Variants in SGK1 observed in about 807,000 individuals in gnomAD.
The protein encoded by SGK1 is serum/glucocorticoid regulated kinase 1, also known as serine/threonine-protein kinase Sgk1.
SGK1 carries 26 observed loss-of-function variants against 64.2 expected under a neutral mutation model. The ratio of observed to expected loss-of-function variants is 0.40; its 90% CI spans 0.30 to 0.56. SGK1 has a LOEUF of 0.56. SGK1 is among the 20% of genes least tolerant of loss of function. The pLI is 0.38. For synonymous variants in SGK1, 265 were observed against 239.7 expected, an observed-to-expected ratio of 1.11 and a Z score of -0.98; for missense variants, 519 against 645.6, an observed-to-expected ratio of 0.80 and a Z score of 2.12.
At chr6:134,315,945 G>C (rs1777678908) in intron 1 of SGK1, among the ~76,000 whole-genome samples, 1 of 152,234 alleles carries the variant, frequency 6.6e-6, no homozygotes, top group South Asian at 2.1e-4. Flanking sequence ...AAATATTTTA[G>C]CTACAGAGAA....
chr6:134,212,831 C>G (rs1306732229), intron 2 of SGK1, among the ~76,000 whole-genome samples: 1 of 152,134 alleles, frequency 6.6e-6, no homozygotes, highest in Non-Finnish European at 1.5e-5. Context: ...GGGAAAATTG[C>G]CATATGCGAG....
intron 2 of SGK1, among the ~76,000 whole-genome samples, chr6:134,217,019 T>C (rs1775997314): frequency 1.3e-5 from 2 of 152,194 alleles, no homozygotes; most frequent in South Asian, 2.1e-4. Flanking sequence ...GTGTTCTTCA[T>C]GCCATGGAAA....
chr6:134,175,891 G>T, intron 3 of SGK1: 2 of 1,209,078 alleles, frequency 1.7e-6, no homozygotes, highest in Non-Finnish European at 1.0e-6. Context: ...GAGGAAGGAA[G>T]GAAAGAAAGA....
At chr6:134,292,973 C>G (rs1288372188) in intron 1 of SGK1, among the ~76,000 whole-genome samples, 1 of 151,484 alleles carries the variant, frequency 6.6e-6, no homozygotes, top group Non-Finnish European at 1.5e-5. Context: ...AAGGTGATTC[C>G]CTAAATCGTA....
At chr6:134,300,780 G>GCGC (rs1459208282) in intron 1 of SGK1, among the ~76,000 whole-genome samples, 2 of 151,088 alleles carry the variant, frequency 1.3e-5, no homozygotes, top group African/African-American at 4.9e-5. Flanking sequence ...TTACAGGCAT[G>GCGC]CGCCACCACA....
At chr6:134,296,388 C>T (rs1280437889) in intron 1 of SGK1, among the ~76,000 whole-genome samples, 3 of 152,182 alleles carry the variant, frequency 2.0e-5, no homozygotes, top group African/African-American at 7.2e-5. Flanking sequence ...CCTCTCACTT[C>T]AGCCTTCCAA....
intron 1 of SGK1, among the ~76,000 whole-genome samples, chr6:134,265,212 C>T (rs1402311729): frequency 6.6e-6 from 1 of 152,082 alleles, no homozygotes; most frequent in Non-Finnish European, 1.5e-5. Flanking sequence ...GTAATCCCAG[C>T]ACTTTGGGAG....
chr6:134,254,272 G>T (rs567967619), intron 2 of SGK1, among the ~76,000 whole-genome samples: 1 of 152,284 alleles, frequency 6.6e-6, no homozygotes, highest in African/African-American at 2.4e-5. Flanking sequence ...ACTGCAAGGA[G>T]CTTAGAGAAT....
chr6:134,212,154 C>T (rs941521360), intron 2 of SGK1, among the ~76,000 whole-genome samples: 13 of 151,730 alleles, frequency 8.6e-5, no homozygotes, highest in African/African-American at 2.9e-4. Context: ...CCCGGGTTCA[C>T]GCCATTCTCC....
intron 3 of SGK1, among the ~76,000 whole-genome samples, chr6:134,188,773 C>T (rs924390824): frequency 1.3e-5 from 2 of 152,012 alleles, no homozygotes. Context: ...TGCTTTGTCA[C>T]CCAGGCTGGA....
At chr6:134,213,296 C>G (rs532934255) in intron 2 of SGK1, among the ~76,000 whole-genome samples, 3 of 151,916 alleles carry the variant, frequency 2.0e-5, no homozygotes, top group Non-Finnish European at 2.9e-5. Flanking sequence ...TTGAGGCAGG[C>G]AGATCTCCTG....
chr6:134,253,977 A>G (rs1450874674), intron 2 of SGK1, among the ~76,000 whole-genome samples: 1 of 152,086 alleles, frequency 6.6e-6, no homozygotes, highest in African/African-American at 2.4e-5. Flanking sequence ...GCTCAGCCAA[A>G]TGTATCCCAT....
At chr6:134,178,450 G>A (rs1410886478) in intron 3 of SGK1, among the ~76,000 whole-genome samples, 2 of 152,154 alleles carry the variant, frequency 1.3e-5, no homozygotes, top group African/African-American at 2.4e-5. Context: ...TGTGTGTGAC[G>A]CGCGCCTGTT....
intron 1 of SGK1, among the ~76,000 whole-genome samples, chr6:134,307,949 C>T (rs954282967): frequency 4.6e-5 from 7 of 152,178 alleles, no homozygotes. Context: ...ACACCAGGCA[C>T]ACAGACAGAA....
chr6:134,213,716 C>A (rs544573062), intron 2 of SGK1, among the ~76,000 whole-genome samples: 1 of 151,978 alleles, frequency 6.6e-6, no homozygotes, highest in Non-Finnish European at 1.5e-5. Context: ...AAGTGACCAG[C>A]GCCTGGAGTT....
intron 8 of SGK1, 63 bp downstream of exon 8, chr6:134,172,960 C>G: frequency 6.5e-7 from 1 of 1,549,520 alleles, no homozygotes; most frequent in Non-Finnish European, 8.7e-7. Context: ...ACTTTTTTCT[C>G]AAACTAAAAC....
rs1271811908 is a variant in SGK1 at position 134,169,618 on chromosome 6, T to C, written c.*650A>G. On this transcript the variant is annotated 3_prime_UTR_variant, in exon 14 of 14. Coordinates refer to ENST00000367858, the MANE Select transcript of SGK1 (RefSeq NM_001143676.3). ...AAATATTTGTAGCAGCAATGCTTTC[T>C]TTAAGCATCTGAATACGAGTCATTG... 6.5e-6 allele frequency: 1 copy of C among 152,690 alleles called. No individual in the cohort carries two copies. The highest frequency in any genetic ancestry group is 1.5e-5 in the Non-Finnish European group (1 of 68,042). 9.5% of individuals were successfully genotyped at this position (152,690 alleles called of 1,614,324 possible). A position where few individuals can be genotyped will look rare whatever the true frequency, so the allele number is the denominator to read the frequency against.
intron 1 of SGK1, chr6:134,298,478 C>T: frequency 1.2e-6 from 1 of 817,460 alleles, no homozygotes; most frequent in South Asian, 1.4e-5. Context: ...TAAGTGGGCT[C>T]AGCAGGCTCT....
At chr6:134,267,510 C>T (rs1582752891) in intron 1 of SGK1, among the ~76,000 whole-genome samples, 1 of 152,158 alleles carries the variant, frequency 6.6e-6, no homozygotes, top group Admixed American at 6.6e-5. Flanking sequence ...CCAGGCTGGT[C>T]TTGAACTCCT....
Sources: allele counts gnomAD v4.1 joint callset (sites outside exome capture counted in the v4.1 genomes callset), GRCh38; gene constraint gnomAD v4.1.1; transcripts MANE v1.5; gene names NCBI Gene and HGNC (gene_info 2026-07-23, HGNC 2026-07-21).